The following RANBP2 variants were observed in gnomAD, a reference collection of about 807,000 sequenced individuals.
The protein encoded by RANBP2 is E3 SUMO-protein ligase RanBP2.
A neutral mutation model predicts 303.6 loss-of-function variants in RANBP2; 57 were observed. That is an observed-to-expected ratio of 0.19 (90% CI 0.15 to 0.23). The LOEUF is 0.23. Ranked by LOEUF, RANBP2 falls within the 10% of genes least tolerant of loss-of-function variation. RANBP2 has a pLI of 1.00. For synonymous variants in RANBP2, 1,167 were observed against 1,301.5 expected, an observed-to-expected ratio of 0.90 and a Z score of 2.23; for missense variants, 3,138 against 3,780.8, an observed-to-expected ratio of 0.83 and a Z score of 4.46.
At chr2:108,818,310 A>C in the RANBP2 span, among the ~76,000 whole-genome samples, 5 of 152,194 alleles carry the variant, frequency 3.3e-5, no homozygotes, top group African/African-American at 1.2e-4. Context: ...CTGTCTGAAG[A>C]AAAATAATGG....
At chr2:109,514,058 T>C in the RANBP2 span, among the ~76,000 whole-genome samples, 1 of 152,128 alleles carries the variant, frequency 6.6e-6, no homozygotes, top group Non-Finnish European at 1.5e-5. Flanking sequence ...AGAAGGGCCT[T>C]AATGTGGGCA....
chr2:109,129,441 G>C, the RANBP2 span: 5 of 1,490,400 alleles, frequency 3.4e-6, no homozygotes, highest in Admixed American at 1.0e-4. Flanking sequence ...AGTCACGGCG[G>C]AGCCCGGCTC....
the RANBP2 span, among the ~76,000 whole-genome samples, chr2:109,233,705 C>A: frequency 6.6e-6 from 1 of 152,194 alleles, no homozygotes; most frequent in Non-Finnish European, 1.5e-5. Context: ...CCTTTTGGCT[C>A]GGAATATTCA....
the RANBP2 span, among the ~76,000 whole-genome samples, chr2:109,059,473 G>A: frequency 2.0e-5 from 3 of 152,084 alleles, no homozygotes; most frequent in African/African-American, 7.2e-5. Flanking sequence ...TACTCAGGAG[G>A]CTGAGGCAGG....
Position 108,784,324 on chromosome 2 carries a change from G to C in RANBP2, c.*423G>C, listed in dbSNP as rs1159076887. The C allele has an allele frequency of 1.7e-5, 3 of 178,838 alleles. No homozygotes were observed. Among genetic ancestry groups the C allele is most frequent in the Non-Finnish European group, 3.6e-5 (3 of 83,314 alleles). 11.1% of individuals were successfully genotyped at this position (178,838 alleles called of 1,614,324 possible). On this transcript the variant is annotated 3_prime_UTR_variant, in exon 29 of 29. Transcript: ENST00000283195. ...TTAATTTTAGGTTTGAAATATATTT[G>C]GTAATCTTAACTATTGGTGTACTCA...
chr2:108,949,253 A>G, the RANBP2 span, among the ~76,000 whole-genome samples: 1 of 152,194 alleles, frequency 6.6e-6, no homozygotes, highest in African/African-American at 2.4e-5. Context: ...AAGTGCTAGG[A>G]TTACAGGTGT....
At chr2:109,085,699 C>T in the RANBP2 span, among the ~76,000 whole-genome samples, 2 of 150,684 alleles carry the variant, frequency 1.3e-5, no homozygotes, top group South Asian at 4.2e-4. Flanking sequence ...CTCTCAGGTT[C>T]AAGTGATTCT....
chr2:109,553,092 T>C, the RANBP2 span: 1 of 1,612,400 alleles, frequency 6.2e-7, no homozygotes, highest in Non-Finnish European at 8.5e-7. Flanking sequence ...CTTGCCTCTC[T>C]CTCAGCTTCT....
chr2:108,854,271 A>G, the RANBP2 span, among the ~76,000 whole-genome samples: 2 of 151,074 alleles, frequency 1.3e-5, no homozygotes, highest in African/African-American at 4.9e-5. Flanking sequence ...TTCTCAGTTA[A>G]TAGGAAGGTT....
the RANBP2 span, among the ~76,000 whole-genome samples, chr2:108,918,834 G>T: frequency 1.3e-5 from 2 of 151,974 alleles, no homozygotes; most frequent in Admixed American, 1.3e-4. Context: ...CTCTGCAGAG[G>T]GTAAAAGATT....
the RANBP2 span, among the ~76,000 whole-genome samples, chr2:109,669,343 A>G: frequency 6.6e-6 from 1 of 152,226 alleles, no homozygotes; most frequent in Admixed American, 6.5e-5. Context: ...CTGTCATCCT[A>G]AAAAGCTTTC....
the RANBP2 span, among the ~76,000 whole-genome samples, chr2:109,572,576 G>A: frequency 6.6e-6 from 1 of 150,926 alleles, no homozygotes; most frequent in African/African-American, 2.4e-5. Context: ...TTTTATACCC[G>A]GACAGGTAGA....
the RANBP2 span, among the ~76,000 whole-genome samples, chr2:109,414,035 G>C: frequency 1.3e-5 from 2 of 152,244 alleles, no homozygotes; most frequent in African/African-American, 4.8e-5. Context: ...AATGGACAAT[G>C]ACATTCCCTC....
the RANBP2 span, among the ~76,000 whole-genome samples, chr2:108,998,114 G>C: frequency 1.7e-4 from 26 of 152,242 alleles, no homozygotes; most frequent in Admixed American, 1.4e-3. Flanking sequence ...TTCTTGCCTA[G>C]GTCACCAGGG....
At chr2:109,129,759 C>T in the RANBP2 span, 1 of 1,539,566 alleles carries the variant, frequency 6.5e-7, no homozygotes, top group Non-Finnish European at 8.7e-7. Context: ...TGCTGCCATG[C>T]CAACACACTT....
the RANBP2 span, among the ~76,000 whole-genome samples, chr2:109,078,110 A>AGCG: frequency 1.2e-5 from 1 of 84,026 alleles, no homozygotes; most frequent in African/African-American, 4.9e-5. Flanking sequence ...ATATATATAT[A>AGCG]TATATATAGC....
the RANBP2 span, among the ~76,000 whole-genome samples, chr2:109,369,209 G>T: frequency 4.0e-5 from 6 of 151,536 alleles, no homozygotes; most frequent in South Asian, 1.2e-3. Flanking sequence ...TTAGCCGGGA[G>T]TGGTGGTGAG....
At chr2:109,398,540 G>C in the RANBP2 span, 2 of 1,460,698 alleles carry the variant, frequency 1.4e-6, no homozygotes, top group Non-Finnish European at 1.8e-6. Context: ...GGCTGGTGTG[G>C]CATGTGACCA....
At chr2:108,989,316 C>A in the RANBP2 span, 1 of 152,640 alleles carries the variant, frequency 6.6e-6, no homozygotes, top group East Asian at 1.9e-4. Flanking sequence ...GGAGCGGGCA[C>A]GTTCAGCCCT....
Sources: gnomAD v4.1 joint callset for allele counts (sites outside exome capture counted in the v4.1 genomes callset) on GRCh38, gnomAD v4.1.1 for gene constraint, MANE v1.5 for transcripts, NCBI Gene and HGNC (gene_info 2026-07-23, HGNC 2026-07-21) for gene names.